The following TAMALIN variants were observed in gnomAD, a reference collection of about 807,000 sequenced individuals.
TAMALIN encodes protein TAMALIN.
In TAMALIN, 9 loss-of-function variants were observed where a neutral mutation model predicts 38.5. That is an observed-to-expected ratio of 0.23 (90% CI 0.14 to 0.41). The LOEUF (loss-of-function observed/expected upper bound fraction) is 0.41, where lower values mean the gene tolerates loss of function less well. Among genes scored for constraint, TAMALIN ranks in the 10% least tolerant of loss-of-function variants. TAMALIN has a pLI of 1.00. For synonymous variants in TAMALIN, 306 were observed against 256.5 expected (o/e 1.19, Z -1.85); for missense variants, 548 against 554.1 (o/e 0.99, Z 0.11).
At chr12:52,010,730 A>G in intron 2 of TAMALIN, 151 bp from the exon 3 acceptor site, 1 of 983,882 alleles carries the variant, frequency 1.0e-6, no homozygotes, top group East Asian at 2.4e-5. Context: ...TGGGAAAGAC[A>G]TTCCAATAAT....
chr12:52,013,324 G>T (rs902739775), intron 4 of TAMALIN, among the ~76,000 whole-genome samples: 1 of 151,820 alleles, frequency 6.6e-6, no homozygotes, highest in Non-Finnish European at 1.5e-5. Flanking sequence ...TGATCCGCCC[G>T]CCTCGGCCTC....
chr12:52,011,271 G>C lies in TAMALIN; in HGVS notation c.454+130G>C. ...CCTTCTTTGAGAAGGCCAGAAAGAAGAATGGATAGAATCTGGGCTTTGGAT... is the reference window on the plus strand; with the variant it reads ...CCTTCTTTGAGAAGGCCAGAAAGAACAATGGATAGAATCTGGGCTTTGGAT... On this transcript the variant is annotated intron_variant, in intron 4 of 7. Coordinates refer to ENST00000293662, the MANE Select transcript of TAMALIN (RefSeq NM_181711.4). The surrounding 1 kb of genome is among the most constrained non-coding windows in gnomAD (Gnocchi z 5.3). 6.6e-7 allele frequency: 1 copy of C among 1,504,534 alleles called. No individual in the cohort carries two copies. Among genetic ancestry groups the C allele is most frequent in the Non-Finnish European group, 9.0e-7 (1 of 1,114,784 alleles). The allele number at this position is 1,504,534 out of a possible 1,614,324, so 93.2% of individuals were successfully genotyped here.
chr12:52,013,041 G>A (rs138847189), intron 4 of TAMALIN, among the ~76,000 whole-genome samples: 2 of 152,134 alleles, frequency 1.3e-5, no homozygotes, highest in African/African-American at 4.8e-5. Context: ...GGTAGCCCAG[G>A]GTCCTGGGTG....
Position 52,007,296 on chromosome 12 carries a change from T to C in TAMALIN, c.246+31T>C, listed in dbSNP as rs780593042. On this transcript the variant is annotated intron_variant, in intron 1 of 7. Coordinates refer to ENST00000293662, the MANE Select transcript of TAMALIN (RefSeq NM_181711.4). This position sits in a 1 kb window ranked among gnomAD's most constrained non-coding sequence, Gnocchi z 6.7. ...TCCCCCGCCCGCCTTCAGGATCTGC[T>C]CAGCCCCTCTCCGACTCCCTACAGG... is the stretch of plus-strand genomic sequence containing the variant. 6.5e-6 allele frequency: 9 copies of C among 1,390,678 alleles called. No individual in the cohort carries two copies. The highest frequency in any genetic ancestry group is 8.4e-6 in the Non-Finnish European group (9 of 1,075,092). The allele number at this position is 1,390,678 out of a possible 1,614,324, so 86.1% of individuals were successfully genotyped here.
At chr12:52,010,575 G>GTA (rs958587626) in intron 2 of TAMALIN, 12 of 1,214,186 alleles carry the variant, frequency 9.9e-6, no homozygotes, top group Non-Finnish European at 1.0e-5. Context: ...AAGTGGTACT[G>GTA]TAGGGCTCAC....
intron 2 of TAMALIN, 79 bp downstream of exon 2, chr12:52,009,318 A>G (rs1380860414): frequency 8.8e-6 from 12 of 1,368,580 alleles, no homozygotes; most frequent in South Asian, 2.3e-5. Flanking sequence ...ACAGCATCTC[A>G]GCCTAGCGAG....
rs74886108 is a variant in TAMALIN at position 52,014,313 on chromosome 12, C to G, written c.682+112C>G. ...TAAAGAACGGTTTACTAGTAAACCT[C>G]CACAGTAAAGCAAGGTTTGTTGAGC... On this transcript the variant is annotated intron_variant, in intron 7 of 7. Coordinates refer to ENST00000293662, the MANE Select transcript of TAMALIN (RefSeq NM_181711.4). 78 of 896,758 alleles carry G rather than the reference C, an allele frequency of 8.7e-5. No homozygotes were observed. The African/African-American group carries it at 1.2e-3, about 14-fold the overall frequency. 55.6% of individuals were successfully genotyped at this position (896,758 alleles called of 1,614,324 possible).
At chr12:52,009,160 C>A (rs772783419) in intron 1 of TAMALIN, 30 bp from the exon 2 acceptor site, 1 of 1,612,660 alleles carries the variant, frequency 6.2e-7, no homozygotes, top group Admixed American at 1.7e-5. Context: ...TCCCGCCTTA[C>A]CTGCTCCTTC....
In TAMALIN at chr12:52,007,627, GAGAC is replaced by G; in HGVS notation, c.246+365_246+368del. 1 of 985,364 alleles carries G rather than the reference GAGAC, an allele frequency of 1.0e-6. No homozygotes were observed. The highest frequency in any genetic ancestry group is 1.2e-6 in the Non-Finnish European group (1 of 829,890). 61.0% of individuals were successfully genotyped at this position (985,364 alleles called of 1,614,324 possible). A position where few individuals can be genotyped will look rare whatever the true frequency, so the allele number is the denominator to read the frequency against. On this transcript the variant is annotated intron_variant, in intron 1 of 7. Coordinates refer to ENST00000293662, the MANE Select transcript of TAMALIN (RefSeq NM_181711.4). The surrounding 1 kb of genome is among the most constrained non-coding windows in gnomAD (Gnocchi z 6.7). Reference sequence around the variant, plus strand: ...CCAGGAGCCCCTCGCCCGAGGGACAGAGACAGCCCCAGGCAAGTTGAAGGTCCGA... The same window carrying G: ...CCAGGAGCCCCTCGCCCGAGGGACAGAGCCCCAGGCAAGTTGAAGGTCCGA...
Position 52,008,369 on chromosome 12 carries a change from C to T in TAMALIN, c.247-821C>T, listed in dbSNP as rs574278552. 5.8e-5 allele frequency: 57 copies of T among 985,292 alleles called. 1 individual carries two copies. The South Asian group carries it at 2.0e-3, about 34-fold the overall frequency. 61.0% of individuals were successfully genotyped at this position (985,292 alleles called of 1,614,324 possible). ...GAGACTACTTTAGTTTATCAAGGACCCTGAAGAGACAGGAACCTTCATCTC... is the reference window on the plus strand; with the variant it reads ...GAGACTACTTTAGTTTATCAAGGACTCTGAAGAGACAGGAACCTTCATCTC... On this transcript the variant is annotated intron_variant, in intron 1 of 7. Transcript: ENST00000293662.
intron 2 of TAMALIN, chr12:52,010,431 T>C (rs974688463): frequency 1.0e-5 from 9 of 895,652 alleles, no homozygotes; most frequent in Non-Finnish European, 1.2e-5. Context: ...GGCCCCAGCA[T>C]AGCTGGGAGG....
intron 2 of TAMALIN, among the ~76,000 whole-genome samples, chr12:52,009,941 GC>G (rs1942474007): frequency 6.6e-6 from 1 of 152,214 alleles, no homozygotes; most frequent in South Asian, 2.1e-4. Context: ...ATCATAAGGG[GC>G]CTGCAAAGAA....
At position 52,011,205 on chromosome 12, in the gene TAMALIN, G is replaced by T; in HGVS notation, c.454+64G>T. The T allele has an allele frequency of 1.2e-6, 2 of 1,601,154 alleles. No individual in the cohort carries two copies. The highest frequency in any genetic ancestry group is 8.5e-7 in the Non-Finnish European group (1 of 1,179,370). On this transcript the variant is annotated intron_variant, in intron 4 of 7. Coordinates refer to ENST00000293662, the MANE Select transcript of TAMALIN (RefSeq NM_181711.4). The surrounding 1 kb of genome is among the most constrained non-coding windows in gnomAD (Gnocchi z 5.3). The stretch of plus-strand genomic sequence containing the variant: ...GATATGACCTTACTCCCAAGCAAAG[G>T]GGGTGAGCAATCTCTCCTGAAATCA...
chr12:52,009,325 C>G lies in TAMALIN; in HGVS notation c.296+86C>G, dbSNP rs897095595. 8 of 1,314,968 alleles carry G rather than the reference C, an allele frequency of 6.1e-6. No homozygotes were observed. The South Asian group carries it at 7.2e-5, about 12-fold the overall frequency. 81.5% of individuals were successfully genotyped at this position (1,314,968 alleles called of 1,614,324 possible). Reference sequence around the variant, plus strand: ...GTGCCAGGACAGCATCTCAGCCTAGCGAGGGTAGTCATTCTCCTAGCCTTT... The same window carrying G: ...GTGCCAGGACAGCATCTCAGCCTAGGGAGGGTAGTCATTCTCCTAGCCTTT... On this transcript the variant is annotated intron_variant, in intron 2 of 7. Transcript: ENST00000293662.
In TAMALIN at chr12:52,006,990, C is replaced by T. The variant is rs1387080766; in HGVS notation, c.-30C>T. On this transcript the variant is annotated 5_prime_UTR_variant, in exon 1 of 8. Transcript: ENST00000293662. ...CAGCCCCGCCGAGGGGAGCCAGCGC[C>T]GTCTCTGAGGGGCGTCCGGCGCCGG... The T allele has an allele frequency of 2.2e-6, 3 of 1,345,938 alleles. No individual in the cohort carries two copies. The highest frequency in any genetic ancestry group is 1.8e-5 in the South Asian group (1 of 54,474). 83.4% of individuals were successfully genotyped at this position (1,345,938 alleles called of 1,614,324 possible).
chr12:52,010,935 G>A lies in TAMALIN; in HGVS notation c.351G>A (p.Gln117=), dbSNP rs1937630264. Reference sequence around the variant, plus strand: ...ACCAGACCTTCGGCTTTGAGATCCAGGTGGGAGAAGCTGCACACAGGGGTC... The same window carrying A: ...ACCAGACCTTCGGCTTTGAGATCCAAGTGGGAGAAGCTGCACACAGGGGTC... ...EDNQTFGFEI[Q]TYGLHHREEQ... is the part of the protein sequence containing the mutation. Residue 117 remains glutamine, a splice_region_variant and synonymous_variant, in exon 3 of 8, where the codon CAG becomes CAA. Transcript: ENST00000293662. 1.2e-6 allele frequency: 2 copies of A among 1,614,158 alleles called. No individual in the cohort carries two copies. The highest frequency in any genetic ancestry group is 8.5e-7 in the Non-Finnish European group (1 of 1,180,034).
Position 52,015,023 on chromosome 12 carries a change from G to A in TAMALIN, c.1012G>A (p.Gly338Ser). ...CCGCAGCGCCAGTGTGCGGTGCGCG[G>A]GCCCTGGCGGGGGCGGAGGCGGGGG... The part of the protein sequence containing the change: ...LSRSASVRCA[G>S]PGGGGGGGAP... The change falls in exon 8 of 8, where the codon GGC (glycine) becomes AGC (serine). Residue 338 changes from glycine (G) to serine (S), a missense_variant. Gly to Ser is a moderately conservative substitution (Grantham distance 56). This residue lies in a region of TAMALIN where 415 missense variants were observed against 417.0 expected (regional missense o/e 1.00). Coordinates refer to ENST00000293662, the MANE Select transcript of TAMALIN (RefSeq NM_181711.4). 2 of 1,272,078 alleles carry A rather than the reference G, an allele frequency of 1.6e-6. No individual in the cohort carries two copies. The highest frequency in any genetic ancestry group is 2.0e-6 in the Non-Finnish European group (2 of 1,006,660). 78.8% of individuals were successfully genotyped at this position (1,272,078 alleles called of 1,614,324 possible). A position where few individuals can be genotyped will look rare whatever the true frequency, so the allele number is the denominator to read the frequency against.
intron 1 of TAMALIN, chr12:52,008,427 C>T: frequency 1.0e-6 from 1 of 985,234 alleles, no homozygotes; most frequent in Non-Finnish European, 1.2e-6. Flanking sequence ...ACCACCACCC[C>T]TAAAGAACTC....
chr12:52,013,286 C>T (rs1439832666), intron 4 of TAMALIN, among the ~76,000 whole-genome samples: 2 of 151,120 alleles, frequency 1.3e-5, no homozygotes, highest in Non-Finnish European at 3.0e-5. Flanking sequence ...ACCGTGTTAG[C>T]CAGGATGGTC....
Sources: allele counts gnomAD v4.1 joint callset (sites outside exome capture counted in the v4.1 genomes callset), GRCh38; gene constraint gnomAD v4.1.1; regional missense constraint gnomAD v4.1.1; non-coding constraint Gnocchi (gnomAD v3.1); transcripts MANE v1.5; gene names NCBI Gene and HGNC (gene_info 2026-07-23, HGNC 2026-07-21).